TENM3: variants seen among roughly 807,000 people sequenced by gnomAD.
TENM3 encodes teneurin-3.
In TENM3, 63 loss-of-function variants were observed where a neutral mutation model predicts 255.1. The observed-to-expected ratio is 0.25, with a 90% confidence interval of 0.20 to 0.30. TENM3 has a LOEUF of 0.30. Ranked by LOEUF, TENM3 falls within the 10% of genes least tolerant of loss-of-function variation. TENM3 has a pLI of 1.00. For synonymous variants in TENM3, 1,306 were observed against 1,322.3 expected, an observed-to-expected ratio of 0.99 and a Z score of 0.27; for missense variants, 2,929 against 3,461.1, an observed-to-expected ratio of 0.85 and a Z score of 3.86.
intron 3 of TENM3, among the ~76,000 whole-genome samples, chr4:182,417,294 TGCAGA>T: frequency 6.6e-6 from 1 of 152,094 alleles, no homozygotes; most frequent in African/African-American, 2.4e-5. Flanking sequence ...CAATACAGTA[TGCAGA>T]TGGAAAACAA....
chr4:181,808,565 A>G, the TENM3 span, among the ~76,000 whole-genome samples: 2 of 152,220 alleles, frequency 1.3e-5, no homozygotes, highest in African/African-American at 2.4e-5. Flanking sequence ...TCTTGCATCT[A>G]CAGCAAGGCA....
rs114882829 is a variant in TENM3, at chr4:182,633,850, G to T, written c.988+4961G>T. Among the ~76,000 whole-genome samples the T allele has an allele frequency of 8.3e-3, 1,264 of 152,332 alleles. 17 individuals carry two copies. The highest frequency in any genetic ancestry group is 0.029 in the African/African-American group (1,197 of 41,576). Reference sequence around the variant, plus strand: ...AAATTGAAGAGATTTAAGCATAGGAGTGAAAAGGAGTCACATTTATGCTTT... The same window carrying T: ...AAATTGAAGAGATTTAAGCATAGGATTGAAAAGGAGTCACATTTATGCTTT... On this transcript the variant is annotated intron_variant, in intron 5 of 27. Coordinates refer to ENST00000511685, the MANE Select transcript of TENM3 (RefSeq NM_001080477.4).
intron 1 of TENM3, among the ~76,000 whole-genome samples, chr4:182,196,783 C>G (rs546564974): frequency 1.3e-5 from 2 of 152,194 alleles, no homozygotes; most frequent in Non-Finnish European, 1.5e-5. Context: ...AAGGAACATA[C>G]CCTGATGTTT....
chr4:181,885,234 C>G, the TENM3 span, among the ~76,000 whole-genome samples: 10 of 152,138 alleles, frequency 6.6e-5, no homozygotes, highest in Non-Finnish European at 1.3e-4. Flanking sequence ...AAAAACTATA[C>G]AAAAAGTTCA....
the TENM3 span, among the ~76,000 whole-genome samples, chr4:181,482,050 A>T: frequency 6.6e-6 from 1 of 152,180 alleles, no homozygotes; most frequent in Non-Finnish European, 1.5e-5. Context: ...CATGCTTAAA[A>T]TCAGATCAAC....
chr4:182,716,416 A>ATGC (rs1759176247), intron 13 of TENM3, among the ~76,000 whole-genome samples: 1 of 152,118 alleles, frequency 6.6e-6, no homozygotes, highest in South Asian at 2.1e-4. Context: ...GCATGAAACT[A>ATGC]TGCTATCTCT....
chr4:181,862,990 T>C, the TENM3 span, among the ~76,000 whole-genome samples: 371 of 152,306 alleles, frequency 2.4e-3, 3 homozygotes, highest in Middle Eastern at 0.017. Flanking sequence ...CTCACGTGAA[T>C]CATGTCTTTC....
At chr4:181,502,478 A>G in the TENM3 span, among the ~76,000 whole-genome samples, 1 of 152,194 alleles carries the variant, frequency 6.6e-6, no homozygotes, top group Non-Finnish European at 1.5e-5. Context: ...GGCTTAGGGA[A>G]ACAGGTATTC....
chr4:182,538,735 TATTTAGAGAATA>T (rs752879676), intron 3 of TENM3, among the ~76,000 whole-genome samples: 1 of 152,068 alleles, frequency 6.6e-6, no homozygotes, highest in Non-Finnish European at 1.5e-5. Flanking sequence ...TGTTGGAAGA[TATTTAGAGAATA>T]CTAATATAGT....
At chr4:182,281,212 C>G (rs1003006412) in intron 1 of TENM3, among the ~76,000 whole-genome samples, 1 of 152,174 alleles carries the variant, frequency 6.6e-6, no homozygotes, top group Non-Finnish European at 1.5e-5. Context: ...TTAAGTGTGA[C>G]AGCCTTGGTA....
At chr4:181,916,250 A>G in the TENM3 span, among the ~76,000 whole-genome samples, 11 of 152,214 alleles carry the variant, frequency 7.2e-5, no homozygotes, top group African/African-American at 2.7e-4. Flanking sequence ...GCCTCTAGTT[A>G]TAACTTCAAG....
chr4:181,770,703 A>G, the TENM3 span, among the ~76,000 whole-genome samples: 3 of 144,700 alleles, frequency 2.1e-5, no homozygotes, highest in Non-Finnish European at 4.6e-5. Context: ...AAAAAGAGTG[A>G]GGAAGTTCAC....
At chr4:182,147,129 C>T (rs1236851365) in intron 1 of TENM3, among the ~76,000 whole-genome samples, 4 of 152,168 alleles carry the variant, frequency 2.6e-5, no homozygotes, top group Non-Finnish European at 5.9e-5. Flanking sequence ...GCTACTCTTT[C>T]TTAGCTTTGC....
At position 182,301,857 on chromosome 4, in the gene TENM3, C is replaced by T. The variant is rs569928077; in HGVS notation, c.-75-22089C>T. Among the ~76,000 whole-genome samples the T allele has an allele frequency of 3.3e-4, 51 of 152,254 alleles. 1 individual carries two copies. Among genetic ancestry groups the T allele is most frequent in the Middle Eastern group, 3.4e-3 (1 of 294 alleles). ...CACACAACTCTAAAGACAGGGAATT[C>T]GGGGGCCTATACTGAGAAGGATAAA... On this transcript the variant is annotated intron_variant, in intron 1 of 27. Transcript: ENST00000511685.
chr4:182,034,855 T>C, the TENM3 span, among the ~76,000 whole-genome samples: 1 of 152,164 alleles, frequency 6.6e-6, no homozygotes, highest in Non-Finnish European at 1.5e-5. Flanking sequence ...CTGAGGATTA[T>C]GTGTCTTGGG....
At chr4:181,580,702 C>T in the TENM3 span, among the ~76,000 whole-genome samples, 1 of 152,090 alleles carries the variant, frequency 6.6e-6, no homozygotes. Flanking sequence ...GAGAGAGATG[C>T]TTCATGTTCA....
chr4:182,454,933 TA>T (rs1322994219), intron 3 of TENM3, among the ~76,000 whole-genome samples: 1 of 152,234 alleles, frequency 6.6e-6, no homozygotes, highest in Non-Finnish European at 1.5e-5. Flanking sequence ...GATTGGAGTT[TA>T]GCGTATGCTT....
chr4:182,375,609 T>C (rs1402405117), intron 3 of TENM3, among the ~76,000 whole-genome samples: 1 of 152,166 alleles, frequency 6.6e-6, no homozygotes, highest in African/African-American at 2.4e-5. Context: ...TGGCGCAGTC[T>C]CGGCTCACTG....
At chr4:182,588,469 TATC>T (rs1318379774) in intron 3 of TENM3, among the ~76,000 whole-genome samples, 1 of 152,222 alleles carries the variant, frequency 6.6e-6, no homozygotes, top group Non-Finnish European at 1.5e-5. Context: ...ATTTATATCA[TATC>T]ATATATACTC....
Sources: allele counts gnomAD v4.1 joint callset (sites outside exome capture counted in the v4.1 genomes callset), GRCh38; gene constraint gnomAD v4.1.1; transcripts MANE v1.5; gene names NCBI Gene and HGNC (gene_info 2026-07-23, HGNC 2026-07-21).